CYTH3: variants seen among roughly 807,000 people sequenced by gnomAD.
The protein encoded by CYTH3 is cytohesin-3.
In CYTH3, 23 loss-of-function variants were observed where a neutral mutation model predicts 55.1. The ratio of observed to expected loss-of-function variants is 0.42; its 90% confidence interval spans 0.30 to 0.59. The LOEUF (loss-of-function observed/expected upper bound fraction) is 0.59, where lower values mean the gene tolerates loss of function less well. CYTH3 is among the 20% of genes least tolerant of loss of function. CYTH3 has a pLI of 0.20. For missense variants in CYTH3, 413 were observed against 524.8 expected (o/e 0.79, Z 2.08); for synonymous variants, 249 against 194.9 (o/e 1.28, Z -2.31).
intron 1 of CYTH3, among the ~76,000 whole-genome samples, chr7:6,267,595 C>T (rs182709011): frequency 1.9e-3 from 297 of 152,338 alleles, no homozygotes; most frequent in Non-Finnish European, 3.6e-3. Flanking sequence ...GCTATCTCGG[C>T]TCATTGCAAC....
chr7:6,245,999 C>T (rs966152202), intron 1 of CYTH3, among the ~76,000 whole-genome samples: 2 of 152,164 alleles, frequency 1.3e-5, no homozygotes. Context: ...CATTAACCCT[C>T]TCCCCAAAAA....
rs6970518 is a variant in CYTH3, at chr7:6,163,002, C to T, written c.*1942G>A. 6.6e-6 allele frequency: 1 copy of T among 152,666 alleles called. No homozygotes were observed. Among genetic ancestry groups the T allele is most frequent in the African/African-American group, 2.4e-5 (1 of 41,456 alleles). 9.5% of individuals were successfully genotyped at this position (152,666 alleles called of 1,614,324 possible). On this transcript the variant is annotated 3_prime_UTR_variant, in exon 13 of 13. Transcript: ENST00000350796. Reference sequence around the variant, plus strand: ...ATTTATTTTCATGGAAGACTGGAGGCCAGAGTTGCATATCTACCAGTCAGG... The same window carrying T: ...ATTTATTTTCATGGAAGACTGGAGGTCAGAGTTGCATATCTACCAGTCAGG...
chr7:6,175,536 C>T (rs1175587873), intron 5 of CYTH3, among the ~76,000 whole-genome samples: 1 of 141,006 alleles, frequency 7.1e-6, no homozygotes, highest in Non-Finnish European at 1.5e-5. Context: ...CTTGACTATA[C>T]ACTTTAGTCT....
chr7:6,184,390 A>G (rs1783586173), intron 4 of CYTH3, among the ~76,000 whole-genome samples: 1 of 151,682 alleles, frequency 6.6e-6, no homozygotes, highest in African/African-American at 2.4e-5. Flanking sequence ...GGAAGGCTCA[A>G]GTGGACTGAC....
chr7:6,179,142 T>G (rs1783414968), intron 4 of CYTH3, among the ~76,000 whole-genome samples: 1 of 152,002 alleles, frequency 6.6e-6, no homozygotes, highest in Non-Finnish European at 1.5e-5. Context: ...AAACAGTCAG[T>G]AAGAGAACCG....
intron 1 of CYTH3, among the ~76,000 whole-genome samples, chr7:6,233,669 AAAAAAAT>A (rs1779443200): frequency 6.8e-6 from 1 of 147,116 alleles, no homozygotes; most frequent in African/African-American, 2.7e-5. Context: ...AAAAAAAAAA[AAAAAAAT>A]TCAGTAAATG....
At chr7:6,250,693 C>G (rs1396130969) in intron 1 of CYTH3, among the ~76,000 whole-genome samples, 1 of 152,162 alleles carries the variant, frequency 6.6e-6, no homozygotes, top group African/African-American at 2.4e-5. Context: ...GAGGGGATGA[C>G]AGCTAATGGG....
chr7:6,269,858 C>A (rs1780605766), intron 1 of CYTH3, among the ~76,000 whole-genome samples: 1 of 152,130 alleles, frequency 6.6e-6, no homozygotes, highest in Non-Finnish European at 1.5e-5. Flanking sequence ...AGTCTTTTAA[C>A]CTGACCATTA....
At chr7:6,172,868 A>G in intron 6 of CYTH3, 1 of 1,266,924 alleles carries the variant, frequency 7.9e-7, no homozygotes, top group Non-Finnish European at 1.0e-6. Context: ...GCACAACATC[A>G]CGAGGGTCCC....
chr7:6,220,974 C>T (rs900542879), intron 1 of CYTH3, among the ~76,000 whole-genome samples: 1 of 151,634 alleles, frequency 6.6e-6, no homozygotes, highest in African/African-American at 2.4e-5. Context: ...CCAGCCTAGG[C>T]GACAGAGTGA....
intron 1 of CYTH3, among the ~76,000 whole-genome samples, chr7:6,192,966 T>TCAG (rs1427045481): frequency 1.3e-5 from 2 of 150,214 alleles, no homozygotes; most frequent in Non-Finnish European, 3.0e-5. Context: ...AGGTCAGGAG[T>TCAG]TCTGGACCAG....
At chr7:6,236,908 G>A (rs988531506) in intron 1 of CYTH3, among the ~76,000 whole-genome samples, 2 of 152,198 alleles carry the variant, frequency 1.3e-5, no homozygotes, top group African/African-American at 2.4e-5. Context: ...ATGAAGTAGT[G>A]TTTCAAAGAG....
chr7:6,202,541 G>T (rs540009250), intron 1 of CYTH3, among the ~76,000 whole-genome samples: 1 of 145,876 alleles, frequency 6.9e-6, no homozygotes, highest in African/African-American at 2.5e-5. Flanking sequence ...TCAGCTCACC[G>T]CAACCTCCGC....
intron 4 of CYTH3, among the ~76,000 whole-genome samples, chr7:6,178,317 T>C (rs1021633566): frequency 4.6e-5 from 7 of 152,258 alleles, no homozygotes; most frequent in African/African-American, 1.7e-4. Context: ...CCACTGCCGG[T>C]TGGCCAACCT....
chr7:6,246,374 C>G (rs1779816331), intron 1 of CYTH3, among the ~76,000 whole-genome samples: 1 of 152,038 alleles, frequency 6.6e-6, no homozygotes, highest in South Asian at 2.1e-4. Flanking sequence ...GACCAAAATT[C>G]TAAGTAAGTT....
intron 1 of CYTH3, among the ~76,000 whole-genome samples, chr7:6,221,584 T>C (rs754984010): frequency 1.3e-5 from 2 of 152,176 alleles, no homozygotes; most frequent in Non-Finnish European, 2.9e-5. Context: ...ATTTTGATAC[T>C]GTATTGCAGT....
At chr7:6,244,925 A>C (rs1779764232) in intron 1 of CYTH3, among the ~76,000 whole-genome samples, 1 of 136,232 alleles carries the variant, frequency 7.3e-6, no homozygotes, top group Non-Finnish European at 1.5e-5. Context: ...AGTAGCTGGG[A>C]CTACAGTCAC....
rs1477685925 is a variant in CYTH3 at position 6,169,212 on chromosome 7, T to G, written c.823+1323A>C. Among the ~76,000 whole-genome samples the G allele has an allele frequency of 6.6e-6, 1 of 152,160 alleles. No homozygotes were observed. On this transcript the variant is annotated intron_variant, in intron 9 of 12. Coordinates refer to ENST00000350796, the MANE Select transcript of CYTH3 (RefSeq NM_004227.4). The surrounding 1 kb of genome is among the most constrained non-coding windows in gnomAD (Gnocchi z 4.1). ...AGGCCTGTGCCCGTCACACCGTGTC[T>G]CACCCTTCCTTGATGTTTATTTTTT...
At chr7:6,185,434 C>A in intron 4 of CYTH3, among the ~76,000 whole-genome samples, 1 of 151,842 alleles carries the variant, frequency 6.6e-6, no homozygotes, top group Admixed American at 6.6e-5. Context: ...ACTGGGCTCA[C>A]GCCTGTAATC....
Sources: gnomAD v4.1 joint callset for allele counts (sites outside exome capture counted in the v4.1 genomes callset) on GRCh38, gnomAD v4.1.1 for gene constraint, Gnocchi (gnomAD v3.1) non-coding constraint, MANE v1.5 for transcripts, NCBI Gene and HGNC (gene_info 2026-07-23, HGNC 2026-07-21) for gene names.